Variants in LAMA2 observed in about 807,000 individuals in gnomAD.
The protein encoded by LAMA2 is laminin subunit alpha 2.
LAMA2 carries 269 observed loss-of-function variants against 364.8 expected under a neutral mutation model. That is an observed-to-expected ratio of 0.74 (90% CI 0.67 to 0.82). The LOEUF is 0.82. Among genes scored for constraint, LAMA2 ranks in the 40% least tolerant of loss-of-function variants. LAMA2 has a pLI of 0.00. For synonymous variants in LAMA2, 1,379 were observed against 1,370.6 expected, an observed-to-expected ratio of 1.01 and a Z score of -0.14; for missense variants, 3,807 against 3,873.2, an observed-to-expected ratio of 0.98 and a Z score of 0.45.
chr6:129,094,966 TAACA>T (rs1306415580), intron 3 of LAMA2, among the ~76,000 whole-genome samples: 7 of 152,230 alleles, frequency 4.6e-5, no homozygotes, highest in Admixed American at 3.9e-4. Flanking sequence ...ATTCAAGCTC[TAACA>T]AACAGGCAAG....
chr6:129,444,637 A>G (rs1166509151), intron 44 of LAMA2, among the ~76,000 whole-genome samples: 2 of 152,144 alleles, frequency 1.3e-5, no homozygotes, highest in Admixed American at 1.3e-4. Context: ...CCTACTTTAA[A>G]ACCTAATTTT....
chr6:129,136,880 G>A (rs1777826264), intron 4 of LAMA2, among the ~76,000 whole-genome samples: 1 of 152,066 alleles, frequency 6.6e-6, no homozygotes, highest in Non-Finnish European at 1.5e-5. Flanking sequence ...GGCACTTAGT[G>A]GTCAGTGTTC....
At position 129,393,071 on chromosome 6, in the gene LAMA2, T is replaced by C. The variant is rs1779408092; in HGVS notation, c.5261T>C (p.Val1754Ala). The C allele has an allele frequency of 9.3e-6, 15 of 1,613,748 alleles. No homozygotes were observed. Among genetic ancestry groups the C allele is most frequent in the Non-Finnish European group, 1.3e-5 (15 of 1,179,900 alleles). Residue 1754 changes from valine (V) to alanine (A), a missense_variant, in exon 37 of 65, where the codon GTG (valine) becomes GCG (alanine). Physicochemically the swap from Val to Ala is moderately conservative, Grantham distance 64. Transcript: ENST00000421865. ...LVAAEALLKK[V>A]KKLFGESRGE... ...GCTGCAGAAGCCCTTCTGAAAAAAG[T>C]GAAGAAGCTGTTTGGAGAGTCCCGG... is the stretch of plus-strand genomic sequence containing the variant.
At chr6:129,052,376 C>G (rs1473741315) in intron 2 of LAMA2, among the ~76,000 whole-genome samples, 1 of 151,130 alleles carries the variant, frequency 6.6e-6, no homozygotes, top group African/African-American at 2.4e-5. Context: ...TCTCAATCTC[C>G]TGATCTCGTG....
intron 4 of LAMA2, among the ~76,000 whole-genome samples, chr6:129,100,402 T>C (rs1775454209): frequency 6.6e-6 from 1 of 152,186 alleles, no homozygotes; most frequent in Admixed American, 6.5e-5. Context: ...AGAAAGTAAT[T>C]CAAAATATTT....
intron 34 of LAMA2, among the ~76,000 whole-genome samples, chr6:129,379,460 T>C (rs1778557406): frequency 6.6e-6 from 1 of 152,166 alleles, no homozygotes; most frequent in African/African-American, 2.4e-5. Flanking sequence ...TCCTTTAGCA[T>C]GCTAACCCGC....
At chr6:128,952,515 A>G (rs928372755) in intron 1 of LAMA2, among the ~76,000 whole-genome samples, 2 of 152,156 alleles carry the variant, frequency 1.3e-5, no homozygotes, top group Admixed American at 6.5e-5. Flanking sequence ...TAACAAATAA[A>G]TGTTCTTGAA....
chr6:129,108,911 C>A (rs1775983328), intron 4 of LAMA2, among the ~76,000 whole-genome samples: 1 of 151,996 alleles, frequency 6.6e-6, no homozygotes, highest in Non-Finnish European at 1.5e-5. Context: ...AAACGCATAC[C>A]TGATTTGGTT....
At chr6:129,297,996 TATTTTTACGTTACTTAAAAAATGAAATAC>T (rs2114452056) in intron 21 of LAMA2, 131 bp downstream of exon 21, 1 of 567,220 alleles carries the variant, frequency 1.8e-6, no homozygotes, top group Non-Finnish European at 2.7e-6. Context: ...AATGTCTACT[TATTTTTACGTTACTTAAAAAATGAAATAC>T]ATGTCAGTTT....
intron 1 of LAMA2, among the ~76,000 whole-genome samples, chr6:129,034,496 A>AGG (rs2114740102): frequency 6.6e-6 from 1 of 151,462 alleles, no homozygotes; most frequent in African/African-American, 2.4e-5. Flanking sequence ...TTTTAGATTT[A>AGG]GGGGATACAT....
chr6:129,295,423 C>G (rs1019162858), intron 20 of LAMA2, among the ~76,000 whole-genome samples: 1 of 152,104 alleles, frequency 6.6e-6, no homozygotes, highest in Non-Finnish European at 1.5e-5. Context: ...TATTTTACCT[C>G]ATTAATCTCA....
At chr6:128,951,733 G>A (rs1780833556) in intron 1 of LAMA2, among the ~76,000 whole-genome samples, 1 of 152,160 alleles carries the variant, frequency 6.6e-6, no homozygotes, top group African/African-American at 2.4e-5. Flanking sequence ...TGTTGATATA[G>A]TATGTAACTC....
At chr6:129,175,543 A>G (rs1780525918) in intron 9 of LAMA2, among the ~76,000 whole-genome samples, 3 of 152,220 alleles carry the variant, frequency 2.0e-5, no homozygotes, top group Non-Finnish European at 2.9e-5. Context: ...TTATATGACC[A>G]TAAGAGTTTC....
chr6:129,424,623 A>G (rs1474062878), intron 40 of LAMA2, among the ~76,000 whole-genome samples: 1 of 152,028 alleles, frequency 6.6e-6, no homozygotes, highest in Non-Finnish European at 1.5e-5. Flanking sequence ...AAGATGCTCA[A>G]TGTTATTAGT....
chr6:129,404,018 A>G, intron 40 of LAMA2, 59 bp downstream of exon 40: 1 of 1,586,358 alleles, frequency 6.3e-7, no homozygotes, highest in Non-Finnish European at 8.6e-7. Flanking sequence ...AATTTTTCAA[A>G]TGTAAGTCAG....
At chr6:129,294,066 T>C (rs1562425937) in intron 20 of LAMA2, among the ~76,000 whole-genome samples, 1 of 152,170 alleles carries the variant, frequency 6.6e-6, no homozygotes, top group African/African-American at 2.4e-5. Flanking sequence ...AAGCATGAAG[T>C]GGGAGACAGC....
chr6:129,137,019 A>G (rs1777835610), intron 4 of LAMA2, among the ~76,000 whole-genome samples: 1 of 152,142 alleles, frequency 6.6e-6, no homozygotes, highest in Admixed American at 6.6e-5. Context: ...TTCTTATCTA[A>G]GAAGGAAAGA....
At chr6:129,340,178 A>G (rs1407527288) in intron 29 of LAMA2, among the ~76,000 whole-genome samples, 2 of 152,182 alleles carry the variant, frequency 1.3e-5, no homozygotes, top group Non-Finnish European at 2.9e-5. Flanking sequence ...TGAAACCAGA[A>G]GCCTGTTTAA....
Position 129,088,798 on chromosome 6 carries a change from C to A in LAMA2, c.397-9375C>A, listed in dbSNP as rs1040475895. Among the ~76,000 whole-genome samples, 9 of 152,018 alleles carry A rather than the reference C, an allele frequency of 5.9e-5. No homozygotes were observed. In the East Asian group the frequency reaches 1.8e-3, roughly 30 times the overall value. On this transcript the variant is annotated intron_variant, in intron 3 of 64. Coordinates refer to ENST00000421865, the MANE Select transcript of LAMA2 (RefSeq NM_000426.4). The stretch of plus-strand genomic sequence containing the variant: ...GCTCCTCACTTCCTAGACGGGATGG[C>A]GGTCCGGAAGAGGCACTCCTCACTT...
Sources: allele counts gnomAD v4.1 joint callset (sites outside exome capture counted in the v4.1 genomes callset), GRCh38; gene constraint gnomAD v4.1.1; transcripts MANE v1.5; gene names NCBI Gene and HGNC (gene_info 2026-07-23, HGNC 2026-07-21).